ANO3: variants seen among roughly 807,000 people sequenced by gnomAD.
The protein encoded by ANO3 is anoctamin 3.
ANO3 carries 99 observed loss-of-function variants against 144.8 expected under a neutral mutation model. That is an observed-to-expected ratio of 0.68 (90% CI 0.58 to 0.81). The LOEUF (loss-of-function observed/expected upper bound fraction) is 0.81. ANO3 is among the 30% of genes least tolerant of loss of function. The probability of loss-of-function intolerance (pLI) is 0.00; values close to 1 mark genes in which losing one functional copy is unlikely to be tolerated. For missense variants in ANO3, 905 were observed against 1,202.2 expected (o/e 0.75, Z 3.66); for synonymous variants, 414 against 392.6 (o/e 1.05, Z -0.64).
At chr11:26,320,954 G>C (rs1198219597) in intron 1 of ANO3, among the ~76,000 whole-genome samples, 1 of 151,980 alleles carries the variant, frequency 6.6e-6, no homozygotes, top group Non-Finnish European at 1.5e-5. Context: ...TGCTTGGCTG[G>C]ATTCATTCCA....
chr11:26,407,068 G>GTATATA (rs760132418), intron 1 of ANO3, among the ~76,000 whole-genome samples: 3,737 of 96,020 alleles, frequency 0.039, 104 homozygotes, highest in East Asian at 0.14. Context: ...GTGTGTGTGT[G>GTATATA]TGTGTGTGTA....
chr11:26,274,687 T>A (rs1853519359), intron 1 of ANO3, among the ~76,000 whole-genome samples: 1 of 152,152 alleles, frequency 6.6e-6, no homozygotes, highest in Non-Finnish European at 1.5e-5. Context: ...CATAATGCCA[T>A]CTGTTGGTTA....
At chr11:26,276,695 G>A (rs964319239) in intron 1 of ANO3, among the ~76,000 whole-genome samples, 15 of 152,058 alleles carry the variant, frequency 9.9e-5, no homozygotes, top group African/African-American at 2.9e-4. Context: ...AATTCAATGC[G>A]TTTGAAATAT....
chr11:26,636,700 C>G (rs1330081260), intron 20 of ANO3, among the ~76,000 whole-genome samples: 2 of 152,186 alleles, frequency 1.3e-5, no homozygotes, highest in Non-Finnish European at 2.9e-5. Context: ...GTGCTCTGAA[C>G]ACTGTGCTTT....
intron 1 of ANO3, among the ~76,000 whole-genome samples, chr11:26,236,196 T>C (rs1019851443): frequency 6.6e-6 from 1 of 152,134 alleles, no homozygotes; most frequent in Admixed American, 6.5e-5. Context: ...TTCATATCTA[T>C]AAAAATAATT....
At chr11:26,350,297 T>C (rs755720432) in intron 1 of ANO3, among the ~76,000 whole-genome samples, 6 of 152,120 alleles carry the variant, frequency 3.9e-5, no homozygotes, top group Non-Finnish European at 7.3e-5. Context: ...CGCACAAGTA[T>C]GGGCTTGCTG....
chr11:26,643,429 T>A, intron 23 of ANO3, 95 bp downstream of exon 23: 1 of 1,463,262 alleles, frequency 6.8e-7, no homozygotes, highest in African/African-American at 1.4e-5. Context: ...GAAACTTAAT[T>A]GCCAGTGTCA....
At chr11:26,226,936 C>G (rs1852269672) in intron 1 of ANO3, among the ~76,000 whole-genome samples, 1 of 151,868 alleles carries the variant, frequency 6.6e-6, no homozygotes, top group African/African-American at 2.4e-5. Context: ...TAGATAATAT[C>G]CTCATTTCCC....
Position 26,253,416 on chromosome 11 carries a change from A to G in ANO3, c.155-56229A>G, listed in dbSNP as rs1373372301. ...GGGGCCTTTTGGAGGGTGGAGGGTG[A>G]GAGGAGGGAGAGGATCAGGAAAAAT... On this transcript the variant is annotated intron_variant, in intron 1 of 27. Coordinates refer to the ANO3 transcript ENST00000672621. 9.9e-5 allele frequency among the ~76,000 whole-genome samples: 15 copies of G among 152,160 alleles called. No homozygotes were observed. In the South Asian group the frequency reaches 2.7e-3, roughly 27 times the overall value.
rs539919997 is a variant in ANO3 at position 26,199,204 on chromosome 11, C to T, written c.154+9874C>T. 7.2e-5 allele frequency among the ~76,000 whole-genome samples: 11 copies of T among 152,140 alleles called. No homozygotes were observed. In the South Asian group the frequency reaches 2.3e-3, roughly 32 times the overall value. ...TTTATGGAAATCTAACAAACTGTGG[C>T]CTTGACCTCTGCTCTCAAGGTTCCT... On this transcript the variant is annotated intron_variant, in intron 1 of 27. Transcript: ENST00000672621.
Position 26,564,692 on chromosome 11 carries a change from TACACACACAC to T in ANO3, c.1447+4945_1447+4954del, listed in dbSNP as rs370277580. On this transcript the variant is annotated intron_variant, in intron 14 of 26. Transcript: ENST00000256737. Reference sequence around the variant, plus strand: ...ACTCATATATATATACTCATATATATACACACACACACACACACACACACACACACACACA... The same window carrying T: ...ACTCATATATATATACTCATATATATACACACACACACACACACACACACA... Among the ~76,000 whole-genome samples the T allele has an allele frequency of 7.5e-3, 309 of 41,056 alleles. 4 individuals carry two copies. Among genetic ancestry groups the T allele is most frequent in the Middle Eastern group, 0.014 (1 of 72 alleles). The allele number at this position is 41,056 out of a possible 152,430, so 26.9% of individuals were successfully genotyped here.
chr11:26,446,152 G>T (rs1858695857), intron 3 of ANO3, among the ~76,000 whole-genome samples: 1 of 152,182 alleles, frequency 6.6e-6, no homozygotes, highest in Non-Finnish European at 1.5e-5. Flanking sequence ...CCTTTGAAAA[G>T]AAGACGCCCG....
chr11:26,578,338 G>A (rs1851043743), intron 14 of ANO3, among the ~76,000 whole-genome samples: 1 of 152,152 alleles, frequency 6.6e-6, no homozygotes, highest in Admixed American at 6.5e-5. Flanking sequence ...AAGCAGCAAT[G>A]AGGAGCAAGA....
chr11:26,488,790 A>T (rs1327700895), intron 4 of ANO3, among the ~76,000 whole-genome samples: 1 of 152,158 alleles, frequency 6.6e-6, no homozygotes, highest in Non-Finnish European at 1.5e-5. Flanking sequence ...AGAGCAAAAG[A>T]ACAAAGCTTC....
chr11:26,658,190 A>T (rs1362977974), intron 26 of ANO3, among the ~76,000 whole-genome samples: 1 of 152,290 alleles, frequency 6.6e-6, no homozygotes, highest in East Asian at 1.9e-4. Context: ...TCCCTCCACC[A>T]TTTATTGAAG....
chr11:26,385,078 T>G (rs1190988248), intron 1 of ANO3, among the ~76,000 whole-genome samples: 1 of 152,186 alleles, frequency 6.6e-6, no homozygotes, highest in Non-Finnish European at 1.5e-5. Flanking sequence ...ATTAATATTC[T>G]TAGTGTAAAG....
chr11:26,572,808 A>G (rs1850879198), intron 14 of ANO3, among the ~76,000 whole-genome samples: 1 of 152,006 alleles, frequency 6.6e-6, no homozygotes, highest in African/African-American at 2.4e-5. Flanking sequence ...GACTTTCAGG[A>G]GTTTGGAGAG....
chr11:26,638,104 T>C (rs1853023566), intron 20 of ANO3, among the ~76,000 whole-genome samples: 1 of 152,152 alleles, frequency 6.6e-6, no homozygotes, highest in African/African-American at 2.4e-5. Context: ...ATTTATCACT[T>C]AAAAATGCAT....
At chr11:26,544,246 T>TTA (rs754529950) in intron 11 of ANO3, among the ~76,000 whole-genome samples, 1 of 14,072 alleles carries the variant, frequency 7.1e-5, no homozygotes, top group Non-Finnish European at 2.8e-4. Flanking sequence ...TAGTATTTCA[T>TTA]TATACATATA....
Sources: gnomAD v4.1 joint callset for allele counts (sites outside exome capture counted in the v4.1 genomes callset) on GRCh38, gnomAD v4.1.1 for gene constraint, MANE v1.5 for transcripts, NCBI Gene and HGNC (gene_info 2026-07-23, HGNC 2026-07-21) for gene names.